Variants in CORO2B observed in about 807,000 individuals in gnomAD.
CORO2B encodes coronin-2B.
CORO2B carries 26 observed loss-of-function variants against 58.8 expected under a neutral mutation model. The ratio of observed to expected loss-of-function variants is 0.44; its 90% CI spans 0.32 to 0.61. The LOEUF (loss-of-function observed/expected upper bound fraction) is 0.61, where lower values mean the gene tolerates loss of function less well. CORO2B is among the 20% of genes least tolerant of loss of function. The probability of loss-of-function intolerance (pLI) is 0.04; values close to 1 mark genes in which losing one functional copy is unlikely to be tolerated. For synonymous variants in CORO2B, 242 were observed against 253.8 expected (o/e 0.95, Z 0.44); for missense variants, 460 against 645.1 (o/e 0.71, Z 3.11).
rs574959074 is a variant in CORO2B, at chr15:68,726,178, C to A, written c.*204C>A. On this transcript the variant is annotated 3_prime_UTR_variant, in exon 12 of 12. Transcript: ENST00000261861. ...ATAAAAGTCCCCAGCTTCTGGAGAC[C>A]CCCTGCCGGCAGCCCCTTTCCCTGC... 3 of 605,848 alleles carry A rather than the reference C, an allele frequency of 5.0e-6. No individual in the cohort carries two copies. Among genetic ancestry groups the A allele is most frequent in the African/African-American group, 3.8e-5 (2 of 51,954 alleles). 37.5% of individuals were successfully genotyped at this position (605,848 alleles called of 1,614,324 possible). A position where few individuals can be genotyped will look rare whatever the true frequency, so the allele number is the denominator to read the frequency against.
chr15:68,524,977 G>A, the CORO2B span, among the ~76,000 whole-genome samples: 3 of 152,096 alleles, frequency 2.0e-5, no homozygotes, highest in Non-Finnish European at 1.5e-5. Flanking sequence ...GTGCCAAAAG[G>A]AACCCACAGG....
rs112336842 is a variant in CORO2B at position 68,582,709 on chromosome 15, T to C, written c.15+3432T>C. Among the ~76,000 whole-genome samples, 28 of 152,338 alleles carry C rather than the reference T, an allele frequency of 1.8e-4. 1 individual carries two copies. Among genetic ancestry groups the C allele is most frequent in the African/African-American group, 6.3e-4 (26 of 41,580 alleles). ...AACCTGTGAGCTAAAGTCTAGGCCCTTGCAACCCGCTTTGTACTGCTCAGA... is the reference window on the plus strand; with the variant it reads ...AACCTGTGAGCTAAAGTCTAGGCCCCTGCAACCCGCTTTGTACTGCTCAGA... On this transcript the variant is annotated intron_variant, in intron 1 of 11. Transcript: ENST00000261861.
chr15:68,559,158 C>A, the CORO2B span, among the ~76,000 whole-genome samples: 1 of 152,022 alleles, frequency 6.6e-6, no homozygotes, highest in Admixed American at 6.5e-5. The surrounding 1 kb of genome is among the most constrained non-coding windows in gnomAD (Gnocchi z 4.3). Flanking sequence ...AGGGAGCAGA[C>A]CTGACTCAGT....
intron 1 of CORO2B, among the ~76,000 whole-genome samples, chr15:68,635,031 C>A (rs927846829): frequency 2.0e-5 from 3 of 152,154 alleles, no homozygotes; most frequent in Non-Finnish European, 2.9e-5. Context: ...AAGTGGGGCC[C>A]GGGAGCCTGC....
At chr15:68,550,445 C>T in the CORO2B span, among the ~76,000 whole-genome samples, 2 of 152,136 alleles carry the variant, frequency 1.3e-5, no homozygotes, top group Admixed American at 6.5e-5. Flanking sequence ...AGCCACACCC[C>T]GACCAATTTA....
intron 1 of CORO2B, chr15:68,641,498 AG>A: frequency 1.0e-6 from 1 of 982,414 alleles, no homozygotes; most frequent in African/African-American, 1.7e-5. Context: ...GAAAAGGAGA[AG>A]GGGGAGGGTG....
At chr15:68,607,520 G>C (rs1207133891) in intron 1 of CORO2B, among the ~76,000 whole-genome samples, 1 of 151,962 alleles carries the variant, frequency 6.6e-6, no homozygotes, top group Non-Finnish European at 1.5e-5. Context: ...AGTCTTTTTT[G>C]TAAAGAGCTT....
At chr15:68,520,688 A>T in the CORO2B span, among the ~76,000 whole-genome samples, 1 of 152,224 alleles carries the variant, frequency 6.6e-6, no homozygotes, top group Non-Finnish European at 1.5e-5. Flanking sequence ...CTATCGGCAC[A>T]TTAATGTGGT....
upstream of CORO2B, among the ~76,000 whole-genome samples, chr15:68,578,334 C>T (rs551523026): frequency 9.2e-5 from 14 of 152,298 alleles, no homozygotes; most frequent in South Asian, 2.7e-3. This position sits in a 1 kb window ranked among gnomAD's most constrained non-coding sequence, Gnocchi z 4.2. Context: ...CTCGGGCAGG[C>T]AGGTCCTGTG....
intron 2 of CORO2B, among the ~76,000 whole-genome samples, chr15:68,646,533 G>C (rs1394640636): frequency 1.3e-5 from 2 of 152,234 alleles, no homozygotes; most frequent in African/African-American, 4.8e-5. Context: ...CTCCATCAGA[G>C]GGGCAGCTGC....
chr15:68,696,088 A>T (rs1292416926), intron 3 of CORO2B, among the ~76,000 whole-genome samples: 2 of 1,474 alleles, frequency 1.4e-3, no homozygotes, highest in Non-Finnish European at 0.013. Context: ...AATTGAATTA[A>T]AAAAAAAAAA....
chr15:68,715,357 G>A, intron 8 of CORO2B, 46 bp downstream of exon 8: 1 of 1,381,418 alleles, frequency 7.2e-7, no homozygotes, highest in Non-Finnish European at 1.0e-6. Context: ...CATGGCACGG[G>A]AGGACATCTG....
At chr15:68,700,717 G>A (rs1892620213) in intron 3 of CORO2B, among the ~76,000 whole-genome samples, 1 of 152,184 alleles carries the variant, frequency 6.6e-6, no homozygotes, top group East Asian at 1.9e-4. Context: ...CCGCAGCTAG[G>A]GAGGGCGGCT....
chr15:68,524,963 T>G, the CORO2B span, among the ~76,000 whole-genome samples: 5 of 152,218 alleles, frequency 3.3e-5, no homozygotes, highest in African/African-American at 1.2e-4. Flanking sequence ...TAAATTAAAT[T>G]CTGGTGCCAA....
intron 3 of CORO2B, among the ~76,000 whole-genome samples, chr15:68,705,436 C>CA (rs35973911): frequency 0.64 from 72,272 of 112,502 alleles, 23,431 homozygotes; most frequent in East Asian, 0.86. Context: ...AACTCTATCT[C>CA]AAAAAAAAAA....
chr15:68,550,968 C>T, the CORO2B span, among the ~76,000 whole-genome samples: 2 of 152,190 alleles, frequency 1.3e-5, no homozygotes, highest in Non-Finnish European at 2.9e-5. Context: ...GGCTACCCCA[C>T]CCACCCCCAG....
the CORO2B span, among the ~76,000 whole-genome samples, chr15:68,573,979 G>A: frequency 1.3e-5 from 2 of 152,132 alleles, no homozygotes; most frequent in Non-Finnish European, 2.9e-5. Flanking sequence ...GGGGAGAGAA[G>A]GGCCAGGTTA....
At chr15:68,552,477 T>TGGGGGGGGGGGGGGGGGG in the CORO2B span, among the ~76,000 whole-genome samples, 2 of 124,996 alleles carry the variant, frequency 1.6e-5, no homozygotes, top group Non-Finnish European at 3.4e-5. Flanking sequence ...CGCGGGGGGG[T>TGGGGGGGGGGGGGGGGGG]GGGGGGGGCA....
the CORO2B span, among the ~76,000 whole-genome samples, chr15:68,570,813 T>TTG: frequency 6.9e-6 from 1 of 144,910 alleles, no homozygotes; most frequent in African/African-American, 2.5e-5. Context: ...TTTTTTTTTT[T>TTG]TTTTTTTTTT....
Sources: allele counts gnomAD v4.1 joint callset (sites outside exome capture counted in the v4.1 genomes callset), GRCh38; gene constraint gnomAD v4.1.1; non-coding constraint Gnocchi (gnomAD v3.1); transcripts MANE v1.5; gene names NCBI Gene and HGNC (gene_info 2026-07-23, HGNC 2026-07-21).